Variants in ARHGAP15 observed in about 807,000 individuals in gnomAD.
ARHGAP15 encodes the protein rho GTPase-activating protein 15.
Under a neutral mutation model 63.7 loss-of-function variants are expected in ARHGAP15, and 51 were observed. The ratio of observed to expected loss-of-function variants is 0.80; its 90% CI spans 0.64 to 1.01. ARHGAP15 has a LOEUF of 1.01. Ranked by LOEUF, ARHGAP15 falls within the 50% of genes least tolerant of loss-of-function variation. The pLI, the probability that ARHGAP15 is intolerant of heterozygous loss-of-function variation, is 0.00. For synonymous variants in ARHGAP15, 191 were observed against 193.8 expected, an observed-to-expected ratio of 0.99 and a Z score of 0.12; for missense variants, 560 against 564.6, an observed-to-expected ratio of 0.99 and a Z score of 0.08.
At chr2:143,232,720 G>A (rs538742212) in intron 5 of ARHGAP15, among the ~76,000 whole-genome samples, 115 of 152,002 alleles carry the variant, frequency 7.6e-4, no homozygotes, top group Non-Finnish European at 1.5e-3. Context: ...AAGAACCTGC[G>A]TTTTAGTCAT....
chr2:143,556,239 C>T (rs941214283), intron 10 of ARHGAP15, among the ~76,000 whole-genome samples, 169 bp from the exon 11 acceptor site: 6 of 152,016 alleles, frequency 3.9e-5, no homozygotes, highest in Admixed American at 3.9e-4. Context: ...AGACTGAACA[C>T]CATGATTACT....
intron 6 of ARHGAP15, among the ~76,000 whole-genome samples, chr2:143,264,359 C>T (rs1310018872): frequency 6.6e-6 from 1 of 152,020 alleles, no homozygotes; most frequent in Non-Finnish European, 1.5e-5. Context: ...TAAGGCCTTC[C>T]TCCAGAACCT....
At chr2:143,193,943 C>T (rs529747413) in intron 2 of ARHGAP15, among the ~76,000 whole-genome samples, 2 of 152,270 alleles carry the variant, frequency 1.3e-5, no homozygotes, top group Admixed American at 6.5e-5. Flanking sequence ...CCTATTTCAA[C>T]GAAAGCCTTT....
At chr2:143,232,976 A>G (rs1693506187) in intron 5 of ARHGAP15, among the ~76,000 whole-genome samples, 1 of 152,152 alleles carries the variant, frequency 6.6e-6, no homozygotes, top group Non-Finnish European at 1.5e-5. Flanking sequence ...CTAGGGTTAC[A>G]GCATTAGTAC....
chr2:143,405,836 G>A (rs752711526), intron 6 of ARHGAP15, among the ~76,000 whole-genome samples: 11 of 151,868 alleles, frequency 7.2e-5, no homozygotes, highest in Non-Finnish European at 1.5e-4. Context: ...GAAGTCTGAA[G>A]TCAGCATGTT....
intron 11 of ARHGAP15, among the ~76,000 whole-genome samples, chr2:143,606,035 C>T (rs1447193956): frequency 4.4e-5 from 1 of 22,860 alleles, no homozygotes; most frequent in African/African-American, 2.0e-4. Flanking sequence ...GACTCTGTCT[C>T]AAAAAAAAAA....
At chr2:143,405,742 A>T (rs1574402203) in intron 6 of ARHGAP15, among the ~76,000 whole-genome samples, 1 of 151,924 alleles carries the variant, frequency 6.6e-6, no homozygotes, top group Non-Finnish European at 1.5e-5. Flanking sequence ...ACTTGACTAC[A>T]TACAAAGTGC....
intron 8 of ARHGAP15, among the ~76,000 whole-genome samples, chr2:143,463,516 G>A (rs566325342): frequency 5.1e-5 from 6 of 116,770 alleles, no homozygotes; most frequent in Non-Finnish European, 9.8e-5. Context: ...TTCCAACCTC[G>A]TAATCAAGAG....
intron 10 of ARHGAP15, among the ~76,000 whole-genome samples, chr2:143,541,248 C>T (rs1695034745): frequency 6.6e-6 from 1 of 152,178 alleles, no homozygotes; most frequent in African/African-American, 2.4e-5. Context: ...AAGGACTTCT[C>T]TGCATTGGTT....
intron 9 of ARHGAP15, among the ~76,000 whole-genome samples, chr2:143,515,653 A>G (rs369540497): frequency 7.9e-5 from 12 of 152,230 alleles, no homozygotes; most frequent in African/African-American, 2.7e-4. Context: ...TTCATTGACC[A>G]GAGCTATCTA....
chr2:143,399,377 G>T (rs1011138739), intron 6 of ARHGAP15, among the ~76,000 whole-genome samples: 1 of 151,558 alleles, frequency 6.6e-6, no homozygotes, highest in African/African-American at 2.4e-5. Context: ...AAAAAAAAAT[G>T]CCCTTCTTGG....
chr2:143,354,917 C>A (rs1685743297), intron 6 of ARHGAP15, among the ~76,000 whole-genome samples: 1 of 152,160 alleles, frequency 6.6e-6, no homozygotes, highest in Admixed American at 6.5e-5. Flanking sequence ...CATCTGCAAT[C>A]CCTTCCATTT....
chr2:143,697,654 G>T (rs1371144452), intron 12 of ARHGAP15, among the ~76,000 whole-genome samples: 1 of 152,094 alleles, frequency 6.6e-6, no homozygotes, highest in Non-Finnish European at 1.5e-5. Flanking sequence ...TGCCCCCAGA[G>T]CATCTCCTCT....
At chr2:143,578,563 T>A (rs11894956) in intron 11 of ARHGAP15, among the ~76,000 whole-genome samples, 124,804 of 151,894 alleles carry the variant, frequency 0.82, 51,400 homozygotes, top group African/African-American at 0.84. Context: ...TATACATTTT[T>A]AAAAAAGGTG....
intron 2 of ARHGAP15, among the ~76,000 whole-genome samples, chr2:143,190,215 T>C (rs1051719190): frequency 1.3e-5 from 2 of 152,242 alleles, no homozygotes; most frequent in Non-Finnish European, 2.9e-5. Context: ...TATCTGCCTA[T>C]TCACATTTTT....
chr2:143,517,973 G>A (rs1693892794), intron 9 of ARHGAP15, among the ~76,000 whole-genome samples: 1 of 152,182 alleles, frequency 6.6e-6, no homozygotes, highest in Non-Finnish European at 1.5e-5. Flanking sequence ...TACCTTATAA[G>A]TTACAGTAGG....
intron 2 of ARHGAP15, among the ~76,000 whole-genome samples, chr2:143,172,445 A>C (rs1025817345): frequency 6.6e-6 from 1 of 152,118 alleles, no homozygotes; most frequent in Non-Finnish European, 1.5e-5. Flanking sequence ...AGCATAGGTT[A>C]GGAGAGGAAG....
At chr2:143,564,221 T>G (rs889892292) in intron 11 of ARHGAP15, 2 of 152,184 alleles carry the variant, frequency 1.3e-5, no homozygotes, top group African/African-American at 4.8e-5. Flanking sequence ...AGCAGAAGTT[T>G]TAATCCCATG....
At chr2:143,637,086 C>A (rs1006351270) in intron 12 of ARHGAP15, among the ~76,000 whole-genome samples, 6 of 141,496 alleles carry the variant, frequency 4.2e-5, no homozygotes, top group African/African-American at 1.5e-4. Flanking sequence ...ACCCTCATGA[C>A]CCTATCTAAA....
Sources: allele counts gnomAD v4.1 joint callset (sites outside exome capture counted in the v4.1 genomes callset), GRCh38; gene constraint gnomAD v4.1.1; transcripts MANE v1.5; gene names NCBI Gene and HGNC (gene_info 2026-07-23, HGNC 2026-07-21).